The following ARMC9 variants were observed in gnomAD, a reference collection of about 807,000 sequenced individuals.
ARMC9 encodes armadillo repeat containing 9.
Under a neutral mutation model 107.0 loss-of-function variants are expected in ARMC9, and 94 were observed. The observed-to-expected ratio is 0.88, with a 90% confidence interval of 0.74 to 1.04. The LOEUF (loss-of-function observed/expected upper bound fraction) is 1.04, where lower values mean the gene tolerates loss of function less well. Among genes scored for constraint, ARMC9 ranks in the 50% least tolerant of loss-of-function variants. The probability of loss-of-function intolerance (pLI) is 0.00; values close to 1 mark genes in which losing one functional copy is unlikely to be tolerated. For missense variants in ARMC9, 942 were observed against 1,030.1 expected (o/e 0.91, Z 1.17); for synonymous variants, 380 against 396.9 (o/e 0.96, Z 0.51).
At position 231,282,063 on chromosome 2, in the gene ARMC9, A is replaced by G; in HGVS notation, c.1556A>G (p.Gln519Arg). ...GTTTTTTTCCTCCCCTTAAAGATAC[A>G]GCCGTATGTGAATGGAGCTCTGTAC... is the stretch of plus-strand genomic sequence containing the variant. Reference protein sequence around the residue: ...DLLGHENHEIQPYVNGALYSI... With the variant: ...DLLGHENHEIRPYVNGALYSI... The change falls in exon 17 of 25, where the codon CAG becomes CGG. Residue 519 changes from glutamine to arginine, a missense_variant. By Grantham distance (43) the Gln-to-Arg change is conservative. Transcript: ENST00000611582. 6.2e-7 allele frequency: 1 copy of G among 1,614,088 alleles called. No individual in the cohort carries two copies. Among genetic ancestry groups the G allele is most frequent in the South Asian group, 1.1e-5 (1 of 91,080 alleles).
At chr2:231,324,683 G>A (rs1269409075) in intron 19 of ARMC9, among the ~76,000 whole-genome samples, 2 of 151,976 alleles carry the variant, frequency 1.3e-5, no homozygotes, top group Admixed American at 6.5e-5. Flanking sequence ...GGCGGAGGTT[G>A]TGGTGAGTGG....
intron 23 of ARMC9, among the ~76,000 whole-genome samples, chr2:231,367,218 T>C (rs933204764): frequency 2.0e-5 from 3 of 152,142 alleles, no homozygotes; most frequent in Non-Finnish European, 4.4e-5. Context: ...CAGTGGCAAA[T>C]TGCTCTCCAA....
chr2:231,294,248 G>A (rs939519522), intron 18 of ARMC9: 5 of 152,262 alleles, frequency 3.3e-5, no homozygotes, highest in Admixed American at 1.3e-4. Flanking sequence ...CATTGACAAC[G>A]CCGGGTGAGC....
intron 7 of ARMC9, 132 bp from the exon 8 acceptor site, chr2:231,235,092 C>A: frequency 1.0e-6 from 1 of 971,608 alleles, no homozygotes; most frequent in Non-Finnish European, 1.5e-6. Flanking sequence ...AAGTGTGAAA[C>A]ACAAGTAGTG....
intron 8 of ARMC9, among the ~76,000 whole-genome samples, chr2:231,235,992 G>A (rs2035677573): frequency 1.3e-5 from 2 of 152,082 alleles, no homozygotes; most frequent in Admixed American, 6.5e-5. Flanking sequence ...TTGCTTTGTT[G>A]CCCAGGCTGA....
chr2:231,282,189 C>A, intron 17 of ARMC9, 56 bp downstream of exon 17: 1 of 1,567,020 alleles, frequency 6.4e-7, no homozygotes, highest in Non-Finnish European at 8.8e-7. Flanking sequence ...CAGTTCAGAG[C>A]TTTTAGAGCA....
In ARMC9 at chr2:231,251,424, C is replaced by T. The variant is rs1442365012; in HGVS notation, c.880-5162C>T. On this transcript the variant is annotated intron_variant, in intron 9 of 24. Coordinates refer to ENST00000611582, the MANE Select transcript of ARMC9 (RefSeq NM_001352754.2). ...TTGTGATTCACCTGCCTCAGCCTCC[C>T]AAAGTGCTGGGATGACAGATGTGAG... 2.0e-5 allele frequency among the ~76,000 whole-genome samples: 3 copies of T among 152,204 alleles called. No individual in the cohort carries two copies. The East Asian group carries it at 5.8e-4, about 29-fold the overall frequency.
intron 19 of ARMC9, among the ~76,000 whole-genome samples, chr2:231,302,347 T>A (rs1163488735): frequency 2.7e-5 from 4 of 150,260 alleles, no homozygotes; most frequent in Non-Finnish European, 5.9e-5. Flanking sequence ...CAATAGTAAA[T>A]CCATTACATT....
At chr2:231,319,892 C>T (rs1354963652) in intron 19 of ARMC9, among the ~76,000 whole-genome samples, 2 of 152,304 alleles carry the variant, frequency 1.3e-5, no homozygotes, top group Middle Eastern at 3.4e-3. Flanking sequence ...ACAGCTGTGG[C>T]TGTATCCCTT....
At chr2:231,367,165 A>T (rs1479640847) in intron 23 of ARMC9, among the ~76,000 whole-genome samples, 2 of 152,118 alleles carry the variant, frequency 1.3e-5, no homozygotes, top group African/African-American at 2.4e-5. Context: ...AACAAATTTT[A>T]AAAAATTATT....
rs2039290490 is a variant in ARMC9 at position 231,271,079 on chromosome 2, C to T, written c.1210+7C>T. ...TTTGCGTCACTGGCAGAAGGTGAGA[C>T]ATCAGCTTTGCTTCAAAGATAAGAG... On this transcript the variant is annotated splice_region_variant and intron_variant, in intron 13 of 24. Coordinates refer to ENST00000611582, the MANE Select transcript of ARMC9 (RefSeq NM_001352754.2). 1 of 1,613,694 alleles carries T rather than the reference C, an allele frequency of 6.2e-7. No individual in the cohort carries two copies. The highest frequency in any genetic ancestry group is 2.2e-5 in the East Asian group (1 of 44,888).
chr2:231,313,261 C>T (rs1459444285), intron 19 of ARMC9, among the ~76,000 whole-genome samples: 1 of 152,218 alleles, frequency 6.6e-6, no homozygotes, highest in Non-Finnish European at 1.5e-5. Flanking sequence ...AATATTTGGT[C>T]TGTCCAATAT....
At position 231,222,716 on chromosome 2, in the gene ARMC9, T is replaced by G. The variant is rs1230311470; in HGVS notation, c.505-12T>G. On this transcript the variant is annotated splice_polypyrimidine_tract_variant and intron_variant, in intron 5 of 24. Coordinates refer to ENST00000611582, the MANE Select transcript of ARMC9 (RefSeq NM_001352754.2). ...ATCTAATGTTTGTATTTTTGTTCCC[T>G]TTTTTCTTTAGGATTCCTGGACTCC... The G allele has an allele frequency of 6.2e-6, 9 of 1,440,092 alleles. No individual in the cohort carries two copies. The highest frequency in any genetic ancestry group is 1.4e-5 in the African/African-American group (1 of 70,372). 89.2% of individuals were successfully genotyped at this position (1,440,092 alleles called of 1,614,324 possible).
Position 231,273,094 on chromosome 2 carries a change from T to C in ARMC9, c.1334+16T>C. ...TCAGTCTCAGGTAACGACTGTGCAA[T>C]AGGTCACGGTGTCTCCTGTGAGATC... is the stretch of plus-strand genomic sequence containing the variant. On this transcript the variant is annotated intron_variant, in intron 14 of 24. Transcript: ENST00000611582. The C allele has an allele frequency of 6.2e-7, 1 of 1,609,570 alleles. No homozygotes were observed. The highest frequency in any genetic ancestry group is 1.3e-5 in the African/African-American group (1 of 74,890).
chr2:231,240,730 T>C (rs1172003102), intron 9 of ARMC9, among the ~76,000 whole-genome samples: 1 of 152,214 alleles, frequency 6.6e-6, no homozygotes, highest in Non-Finnish European at 1.5e-5. Flanking sequence ...ATTTTGGTAG[T>C]TGAGTCAATA....
At chr2:231,274,281 C>A (rs2039584427) in intron 14 of ARMC9, among the ~76,000 whole-genome samples, 1 of 152,090 alleles carries the variant, frequency 6.6e-6, no homozygotes, top group South Asian at 2.1e-4. Context: ...CCACACCCGG[C>A]TAATTTTTGT....
At chr2:231,359,647 GCC>G (rs948728136) in intron 22 of ARMC9, among the ~76,000 whole-genome samples, 7 of 152,284 alleles carry the variant, frequency 4.6e-5, no homozygotes, top group African/African-American at 1.4e-4. Context: ...CCTGCGTGTA[GCC>G]CAGCAATTCG....
intron 16 of ARMC9, among the ~76,000 whole-genome samples, chr2:231,279,216 C>CTGGTGAG (rs2040008008): frequency 6.6e-6 from 1 of 152,226 alleles, no homozygotes; most frequent in Admixed American, 6.5e-5. Flanking sequence ...AGTGTTGCCC[C>CTGGTGAG]AACACCTGGT....
chr2:231,310,432 AG>A (rs2042275325), intron 19 of ARMC9, among the ~76,000 whole-genome samples: 1 of 118,494 alleles, frequency 8.4e-6, no homozygotes, highest in South Asian at 2.4e-4. Flanking sequence ...AAAAAAAAAA[AG>A]GTAAAGTTAA....
Sources: gnomAD v4.1 joint callset for allele counts (sites outside exome capture counted in the v4.1 genomes callset) on GRCh38, gnomAD v4.1.1 for gene constraint, MANE v1.5 for transcripts, NCBI Gene and HGNC (gene_info 2026-07-23, HGNC 2026-07-21) for gene names.